SLC25A21: variants seen among roughly 807,000 people sequenced by gnomAD.
SLC25A21 encodes the protein solute carrier family 25 member 21, also known as mitochondrial 2-oxodicarboxylate carrier.
Under a neutral mutation model 43.8 loss-of-function variants are expected in SLC25A21, and 47 were observed. That is an observed-to-expected ratio of 1.07 (90% CI 0.85 to 1.37). The LOEUF (loss-of-function observed/expected upper bound fraction) is 1.37, where lower values mean the gene tolerates loss of function less well. Ranked by LOEUF, SLC25A21 falls within the 40% of genes most tolerant of loss-of-function variation. SLC25A21 has a pLI of 0.00. For synonymous variants in SLC25A21, 131 were observed against 121.3 expected, an observed-to-expected ratio of 1.08 and a Z score of -0.52; for missense variants, 352 against 350.2, an observed-to-expected ratio of 1.00 and a Z score of -0.04.
In SLC25A21 at chr14:36,875,005, C is replaced by T. The variant is rs961953393; in HGVS notation, c.71-1G>A. 3.9e-6 allele frequency: 6 copies of T among 1,552,230 alleles called. No individual in the cohort carries two copies. Among genetic ancestry groups the T allele is most frequent in the South Asian group, 3.4e-5 (3 of 87,928 alleles). Reference sequence around the variant, plus strand: ...TGCATCAGGCAAATTTCTACAAGACCTGAAAGATGATAAAGAAAATCCAAT... The same window carrying T: ...TGCATCAGGCAAATTTCTACAAGACTTGAAAGATGATAAAGAAAATCCAAT... On this transcript the variant is annotated splice_acceptor_variant, in intron 1 of 9. Transcript: ENST00000331299. LOFTEE classifies it high-confidence loss of function.
chr14:36,775,833 T>A (rs902724453), intron 3 of SLC25A21, among the ~76,000 whole-genome samples: 1 of 152,158 alleles, frequency 6.6e-6, no homozygotes, highest in Admixed American at 6.5e-5. Flanking sequence ...ACAGGTGCCC[T>A]ACCCCCACCC....
intron 2 of SLC25A21, among the ~76,000 whole-genome samples, chr14:36,841,012 A>G (rs973825901): frequency 1.3e-5 from 2 of 152,216 alleles, no homozygotes; most frequent in Non-Finnish European, 2.9e-5. Context: ...GCACTAAATA[A>G]ATGTTAATTA....
At chr14:37,105,099 AT>A in intron 1 of SLC25A21, among the ~76,000 whole-genome samples, 1 of 152,308 alleles carries the variant, frequency 6.6e-6, no homozygotes, top group South Asian at 2.1e-4. Context: ...CTAGATCATA[AT>A]ATTAGAATTC....
At chr14:36,691,583 A>G (rs1379003673) in intron 7 of SLC25A21, among the ~76,000 whole-genome samples, 2 of 152,178 alleles carry the variant, frequency 1.3e-5, no homozygotes, top group African/African-American at 4.8e-5. Context: ...GATGTAATTC[A>G]TTGGAATTTA....
intron 1 of SLC25A21, among the ~76,000 whole-genome samples, chr14:36,934,546 CA>C (rs1423620697): frequency 3.3e-5 from 5 of 151,656 alleles, no homozygotes; most frequent in African/African-American, 1.2e-4. Context: ...CACCAGCCAC[CA>C]AGCACTGACT....
At chr14:37,113,214 A>G (rs991122188) in intron 1 of SLC25A21, among the ~76,000 whole-genome samples, 1 of 152,194 alleles carries the variant, frequency 6.6e-6, no homozygotes, top group African/African-American at 2.4e-5. Flanking sequence ...GCTATCTGCT[A>G]GCTTCTTATT....
chr14:36,720,267 C>T (rs1346333142), intron 6 of SLC25A21, among the ~76,000 whole-genome samples: 2 of 152,214 alleles, frequency 1.3e-5, no homozygotes, highest in Admixed American at 1.3e-4. Flanking sequence ...TGCAGTGCCC[C>T]TCTCAGCTGC....
At chr14:37,158,687 C>A (rs556983813) in intron 1 of SLC25A21, among the ~76,000 whole-genome samples, 1 of 152,194 alleles carries the variant, frequency 6.6e-6, no homozygotes, top group East Asian at 1.9e-4. Flanking sequence ...TCTGGATGCC[C>A]ACTTTTACAA....
intron 1 of SLC25A21, among the ~76,000 whole-genome samples, chr14:37,066,966 T>C (rs962800499): frequency 6.6e-6 from 1 of 152,050 alleles, no homozygotes; most frequent in East Asian, 1.9e-4. Flanking sequence ...TAGACATAGA[T>C]GAGGGAAAAT....
At chr14:36,917,764 C>G (rs1282916820) in intron 1 of SLC25A21, among the ~76,000 whole-genome samples, 2 of 151,984 alleles carry the variant, frequency 1.3e-5, no homozygotes, top group African/African-American at 2.4e-5. Context: ...AATGATAATG[C>G]AAATCATACA....
At chr14:36,986,012 C>T (rs954147090) in intron 1 of SLC25A21, among the ~76,000 whole-genome samples, 2 of 152,086 alleles carry the variant, frequency 1.3e-5, no homozygotes, top group Admixed American at 6.6e-5. Context: ...CTTATATTAT[C>T]TCTGCCCCAA....
chr14:36,852,445 A>G (rs1889770168), intron 2 of SLC25A21, among the ~76,000 whole-genome samples: 1 of 152,224 alleles, frequency 6.6e-6, no homozygotes, highest in South Asian at 2.1e-4. Flanking sequence ...AAGTGACAGC[A>G]TATTAAAATG....
intron 3 of SLC25A21, among the ~76,000 whole-genome samples, chr14:36,782,734 T>C (rs939855920): frequency 2.1e-5 from 3 of 141,910 alleles, no homozygotes; most frequent in East Asian, 4.1e-4. Context: ...TTCTCACTCA[T>C]AGGTGGGAAC....
chr14:37,065,936 T>C (rs1037631602), intron 1 of SLC25A21, among the ~76,000 whole-genome samples: 11 of 152,174 alleles, frequency 7.2e-5, no homozygotes, highest in African/African-American at 2.4e-4. Context: ...ACAATGATTG[T>C]AGTAAAGATT....
intron 1 of SLC25A21, among the ~76,000 whole-genome samples, chr14:36,972,366 A>G (rs1449953926): frequency 6.6e-5 from 10 of 152,208 alleles, no homozygotes; most frequent in African/African-American, 2.2e-4. Flanking sequence ...ATATTTACCA[A>G]TCATCAAGGA....
chr14:37,099,436 C>G (rs1456633705), intron 1 of SLC25A21, among the ~76,000 whole-genome samples: 1 of 152,080 alleles, frequency 6.6e-6, no homozygotes, highest in Non-Finnish European at 1.5e-5. Flanking sequence ...TTCTAACAGT[C>G]ATTTGTTGTC....
At chr14:36,885,030 T>A (rs1174855770) in intron 1 of SLC25A21, among the ~76,000 whole-genome samples, 2 of 152,160 alleles carry the variant, frequency 1.3e-5, no homozygotes. Context: ...TGGGGATATA[T>A]CCCAGAAATC....
intron 1 of SLC25A21, among the ~76,000 whole-genome samples, chr14:37,035,187 T>G (rs1215909272): frequency 1.3e-5 from 2 of 152,324 alleles, no homozygotes; most frequent in East Asian, 3.9e-4. Context: ...TTAGCTGCTT[T>G]CTTTCTCTGC....
chr14:36,785,693 T>C (rs1887224688), intron 3 of SLC25A21, among the ~76,000 whole-genome samples: 1 of 152,220 alleles, frequency 6.6e-6, no homozygotes, highest in South Asian at 2.1e-4. Context: ...TTAGGCACCA[T>C]ATTAAAGCAT....
Sources: allele counts gnomAD v4.1 joint callset (sites outside exome capture counted in the v4.1 genomes callset), GRCh38; gene constraint gnomAD v4.1.1; transcripts MANE v1.5; gene names NCBI Gene and HGNC (gene_info 2026-07-23, HGNC 2026-07-21).